Variants in PIP5K1B observed in about 807,000 individuals in gnomAD.
PIP5K1B encodes phosphatidylinositol-4-phosphate 5-kinase type 1 beta.
Under a neutral mutation model 67.0 loss-of-function variants are expected in PIP5K1B, and 42 were observed. The observed-to-expected ratio is 0.63, with a 90% confidence interval of 0.49 to 0.81. The LOEUF (loss-of-function observed/expected upper bound fraction) is 0.81, where lower values mean the gene tolerates loss of function less well. Ranked by LOEUF, PIP5K1B falls within the 30% of genes least tolerant of loss-of-function variation. The probability of loss-of-function intolerance (pLI) is 0.00; values close to 1 mark genes in which losing one functional copy is unlikely to be tolerated. For missense variants in PIP5K1B, 459 were observed against 646.3 expected (o/e 0.71, Z 3.14); for synonymous variants, 214 against 231.4 (o/e 0.92, Z 0.68).
At chr9:68,947,683 A>G (rs894454279) in intron 14 of PIP5K1B, among the ~76,000 whole-genome samples, 13 of 152,240 alleles carry the variant, frequency 8.5e-5, no homozygotes, top group African/African-American at 3.1e-4. Context: ...GTAATCATGG[A>G]ACCAATTTAT....
chr9:68,718,572 T>G (rs562220043), intron 1 of PIP5K1B, among the ~76,000 whole-genome samples: 5 of 152,376 alleles, frequency 3.3e-5, no homozygotes, highest in Admixed American at 2.0e-4. Flanking sequence ...TTGGGCAGGC[T>G]GTTTTACTTC....
At chr9:68,998,839 G>GC (rs1564306603) in intron 15 of PIP5K1B, among the ~76,000 whole-genome samples, 1 of 152,130 alleles carries the variant, frequency 6.6e-6, no homozygotes, top group South Asian at 2.1e-4. Context: ...AAAAAATAAA[G>GC]CCCCCCAAGT....
intron 4 of PIP5K1B, among the ~76,000 whole-genome samples, chr9:68,862,048 G>T (rs115921940): frequency 3.2e-4 from 48 of 152,282 alleles, no homozygotes; most frequent in African/African-American, 1.2e-3. Flanking sequence ...TGTCAAGGAT[G>T]TAGATAGTCG....
intron 2 of PIP5K1B, among the ~76,000 whole-genome samples, chr9:68,770,619 G>T (rs187387090): frequency 6.6e-6 from 1 of 152,302 alleles, no homozygotes; most frequent in African/African-American, 2.4e-5. Flanking sequence ...CCCGCCTCCT[G>T]TTGGATCAGT....
intron 2 of PIP5K1B, among the ~76,000 whole-genome samples, chr9:68,744,117 T>G (rs893691606): frequency 2.0e-5 from 3 of 152,192 alleles, no homozygotes; most frequent in African/African-American, 4.8e-5. Context: ...GTAGCCTCAG[T>G]TGCCATAGAT....
intron 14 of PIP5K1B, among the ~76,000 whole-genome samples, chr9:68,974,321 A>G (rs7041792): frequency 0.22 from 33,747 of 152,118 alleles, 4,450 homozygotes; most frequent in East Asian, 0.53. Context: ...CCTGCTTCAG[A>G]AACAAGTTGT....
intron 2 of PIP5K1B, among the ~76,000 whole-genome samples, chr9:68,787,540 T>TTTAATTTTA (rs1831695170): frequency 6.6e-6 from 1 of 152,250 alleles, no homozygotes; most frequent in Admixed American, 6.5e-5. Flanking sequence ...TCTTTAATTC[T>TTTAATTTTA]GTTTCCTCCT....
At chr9:68,707,142 T>C (rs1285649605) in intron 1 of PIP5K1B, among the ~76,000 whole-genome samples, 1 of 152,100 alleles carries the variant, frequency 6.6e-6, no homozygotes, top group Non-Finnish European at 1.5e-5. Flanking sequence ...TATGGTCCTG[T>C]GGGCAGAGAC....
At chr9:68,736,287 T>C (rs1828734147) in intron 1 of PIP5K1B, among the ~76,000 whole-genome samples, 2 of 152,274 alleles carry the variant, frequency 1.3e-5, no homozygotes, top group Non-Finnish European at 2.9e-5. Context: ...TTTACTCTAC[T>C]AGTATATTTT....
intron 2 of PIP5K1B, among the ~76,000 whole-genome samples, chr9:68,760,476 G>T (rs1265756532): frequency 6.6e-6 from 1 of 152,062 alleles, no homozygotes; most frequent in African/African-American, 2.4e-5. Flanking sequence ...CTCATTAGCT[G>T]CTGAGGCTGG....
chr9:68,878,013 CTGTGTGTGTGTGTG>C lies in PIP5K1B; in HGVS notation c.318+1247_318+1260del, dbSNP rs35871698. Among the ~76,000 whole-genome samples the C allele has an allele frequency of 1.6e-3, 225 of 142,094 alleles. 1 individual carries two copies. The South Asian group carries it at 0.028, about 18-fold the overall frequency. 93.2% of individuals were successfully genotyped at this position (142,094 alleles called of 152,430 possible). A position where few individuals can be genotyped will look rare whatever the true frequency, so the allele number is the denominator to read the frequency against. On this transcript the variant is annotated intron_variant, in intron 6 of 15. Coordinates refer to ENST00000265382, the MANE Select transcript of PIP5K1B (RefSeq NM_003558.4). ...AAGTACACAAGCACACGCATTTGTT[CTGTGTGTGTGTGTG>C]TGTGTGTGTGTGTGTGTGTGTGTGT...
intron 15 of PIP5K1B, among the ~76,000 whole-genome samples, chr9:69,002,255 G>C (rs186164839): frequency 6.0e-4 from 91 of 152,350 alleles, no homozygotes; most frequent in Non-Finnish European, 6.8e-4. Flanking sequence ...AGGCTTCTCG[G>C]TTGAAGCCTT....
chr9:69,002,207 A>G (rs1830852034), intron 15 of PIP5K1B, among the ~76,000 whole-genome samples: 2 of 152,310 alleles, frequency 1.3e-5, no homozygotes, highest in East Asian at 3.9e-4. Context: ...AATTGTACAC[A>G]TCCTTCAAGG....
At chr9:68,784,651 A>T (rs1190543498) in intron 2 of PIP5K1B, 1 of 166,364 alleles carries the variant, frequency 6.0e-6, no homozygotes, top group African/African-American at 2.4e-5. Context: ...TTTATAGATT[A>T]GTAGAACAAT....
intron 1 of PIP5K1B, among the ~76,000 whole-genome samples, chr9:68,716,239 T>C (rs1005286708): frequency 6.6e-6 from 1 of 152,230 alleles, no homozygotes; most frequent in Non-Finnish European, 1.5e-5. Flanking sequence ...CAGTTACATC[T>C]GACTTGCTCT....
chr9:68,819,019 G>A (rs1214133233), intron 3 of PIP5K1B, among the ~76,000 whole-genome samples: 1 of 152,060 alleles, frequency 6.6e-6, no homozygotes, highest in African/African-American at 2.4e-5. Context: ...ACGATGTCTC[G>A]CTGTGTCTTT....
rs573778732 is a variant in PIP5K1B at position 68,955,678 on chromosome 9, G to A, written c.1502+14888G>A. Among the ~76,000 whole-genome samples, 8 of 152,238 alleles carry A rather than the reference G, an allele frequency of 5.3e-5. No individual in the cohort carries two copies. In the South Asian group the frequency reaches 1.2e-3, roughly 24 times the overall value. ...GTGGGTCACCTGAGAGCTGGCCTCG[G>A]GTTAAAATAATTACATGAGTTCTGG... On this transcript the variant is annotated intron_variant, in intron 14 of 15. Transcript: ENST00000265382.
At chr9:68,971,921 T>C (rs1829391957) in intron 14 of PIP5K1B, among the ~76,000 whole-genome samples, 1 of 152,246 alleles carries the variant, frequency 6.6e-6, no homozygotes. Flanking sequence ...AAAAATTTTC[T>C]TCCATTCTGT....
At chr9:68,860,401 G>A (rs555112470) in intron 4 of PIP5K1B, among the ~76,000 whole-genome samples, 19 of 152,262 alleles carry the variant, frequency 1.2e-4, no homozygotes, top group African/African-American at 4.1e-4. Flanking sequence ...TAGTCCCCAT[G>A]TTACCAGTGG....
Sources: allele counts gnomAD v4.1 joint callset (sites outside exome capture counted in the v4.1 genomes callset), GRCh38; gene constraint gnomAD v4.1.1; transcripts MANE v1.5; gene names NCBI Gene and HGNC (gene_info 2026-07-23, HGNC 2026-07-21).